GSR: variants seen among roughly 807,000 people sequenced by gnomAD.
The protein encoded by GSR is glutathione-disulfide reductase, also known as glutathione reductase, mitochondrial.
A neutral mutation model predicts 56.5 loss-of-function variants in GSR; 48 were observed. That is an observed-to-expected ratio of 0.85 (90% confidence interval 0.67 to 1.08). The LOEUF (loss-of-function observed/expected upper bound fraction) is 1.08, where lower values mean the gene tolerates loss of function less well. Among genes scored for constraint, GSR ranks in the 50% least tolerant of loss-of-function variants. The pLI is 0.00. For synonymous variants in GSR, 264 were observed against 270.8 expected (o/e 0.97, Z 0.25); for missense variants, 694 against 703.3 (o/e 0.99, Z 0.15).
intron 4 of GSR, among the ~76,000 whole-genome samples, chr8:30,704,198 A>T (rs1803847261): frequency 6.6e-6 from 1 of 152,018 alleles, no homozygotes; most frequent in Non-Finnish European, 1.5e-5. Flanking sequence ...GGTGGCGGGC[A>T]CCTGTAATCC....
intron 7 of GSR, among the ~76,000 whole-genome samples, chr8:30,693,802 T>C (rs1212575352): frequency 6.6e-6 from 1 of 152,206 alleles, no homozygotes; most frequent in Non-Finnish European, 1.5e-5. Flanking sequence ...GTGCTGGGAT[T>C]ATAGGTGTGA....
At chr8:30,711,261 A>G (rs1396643320) in intron 2 of GSR, among the ~76,000 whole-genome samples, 1 of 152,224 alleles carries the variant, frequency 6.6e-6, no homozygotes, top group African/African-American at 2.4e-5. Flanking sequence ...TGAGATTACA[A>G]CATATGTTGA....
rs1223991688 is a variant in GSR, at chr8:30,689,401, T to C, written c.883-82A>G. On this transcript the variant is annotated intron_variant, in intron 8 of 12. Coordinates refer to ENST00000221130, the MANE Select transcript of GSR (RefSeq NM_000637.5). ...GAAGGAAAGCAAATACAGAGGAAAC[T>C]AGAATTTTTAACATTAAAGAAAATC... 4.4e-6 allele frequency: 5 copies of C among 1,142,426 alleles called. No homozygotes were observed. The East Asian group carries it at 7.0e-5, about 16-fold the overall frequency. The allele number at this position is 1,142,426 out of a possible 1,614,324, so 70.8% of individuals were successfully genotyped here. A position where few individuals can be genotyped will look rare whatever the true frequency, so the allele number is the denominator to read the frequency against.
At chr8:30,697,717 G>A (rs189717860) in intron 6 of GSR, among the ~76,000 whole-genome samples, 3 of 152,266 alleles carry the variant, frequency 2.0e-5, no homozygotes. Flanking sequence ...CATTTCTTCA[G>A]AGAGGAAAAA....
At position 30,711,842 on chromosome 8, in the gene GSR, A is replaced by T. The variant is rs958381371; in HGVS notation, c.333+220T>A. Among the ~76,000 whole-genome samples, 10 of 152,070 alleles carry T rather than the reference A, an allele frequency of 6.6e-5. 1 individual carries two copies. The highest frequency in any genetic ancestry group is 6.6e-4 in the Admixed American group (10 of 15,258). ...GAACGAAACTCCGTCTCAAAAAAAC[A>T]ATAATAATAAAAATAAAAAGTAATT... On this transcript the variant is annotated intron_variant, in intron 2 of 12. Coordinates refer to ENST00000221130, the MANE Select transcript of GSR (RefSeq NM_000637.5).
intron 9 of GSR, among the ~76,000 whole-genome samples, chr8:30,685,322 C>T (rs562888730): frequency 6.6e-6 from 1 of 152,150 alleles, no homozygotes; most frequent in South Asian, 2.1e-4. Flanking sequence ...AACTTCTGGC[C>T]TCAAGTGATC....
At position 30,727,413 on chromosome 8, in the gene GSR, G is replaced by A. The variant is rs933736646; in HGVS notation, c.306+117C>T. The A allele has an allele frequency of 1.6e-5, 17 of 1,031,734 alleles. No individual in the cohort carries two copies. In the East Asian group the frequency reaches 5.2e-4, roughly 31 times the overall value. 63.9% of individuals were successfully genotyped at this position (1,031,734 alleles called of 1,614,324 possible). A position where few individuals can be genotyped will look rare whatever the true frequency, so the allele number is the denominator to read the frequency against. ...TTCGGAATGGGGAGTTGCGGGGGTGGAAAAGAGGAAAGCCCAGCGCCGGGG... is the reference window on the plus strand; with the variant it reads ...TTCGGAATGGGGAGTTGCGGGGGTGAAAAAGAGGAAAGCCCAGCGCCGGGG... On this transcript the variant is annotated intron_variant, in intron 1 of 12. Coordinates refer to ENST00000221130, the MANE Select transcript of GSR (RefSeq NM_000637.5).
At chr8:30,721,350 A>C (rs931563289) in intron 1 of GSR, among the ~76,000 whole-genome samples, 5 of 152,292 alleles carry the variant, frequency 3.3e-5, no homozygotes, top group Middle Eastern at 3.4e-3. Flanking sequence ...ACTGGAAGCC[A>C]CTTACAAATG....
At chr8:30,712,830 G>C (rs1184572208) in intron 1 of GSR, among the ~76,000 whole-genome samples, 6 of 152,186 alleles carry the variant, frequency 3.9e-5, no homozygotes. Context: ...ATAAATATTA[G>C]ATCTCATAAA....
Position 30,680,915 on chromosome 8 carries a change from T to C in GSR, c.1408A>G (p.Lys470Glu), listed in dbSNP as rs370217822. Residue 470 changes from lysine to glutamate, a missense_variant, in exon 12 of 13, where the codon AAG (lysine) becomes GAG (glutamate). By Grantham distance (56) the Lys-to-Glu change is moderately conservative. Coordinates refer to ENST00000221130, the MANE Select transcript of GSR (RefSeq NM_000637.5). ...GGATTTTTCCTTACCTTTTCTTCCT[T>C]GTTAGCACAGACCATTTTCATCACA... ...KCVMKMVCANKEEKVVGIHMQ... is the reference protein window; with the variant it reads ...KCVMKMVCANEEEKVVGIHMQ... 5.6e-6 allele frequency: 9 copies of C among 1,613,712 alleles called. No individual in the cohort carries two copies. Among genetic ancestry groups the C allele is most frequent in the Non-Finnish European group, 7.6e-6 (9 of 1,179,910 alleles).
rs1474085625 is a variant in GSR, at chr8:30,727,683, C to G, written c.153G>C (p.Gln51His). 2 of 1,438,516 alleles carry G rather than the reference C, an allele frequency of 1.4e-6. No homozygotes were observed. The highest frequency in any genetic ancestry group is 2.9e-5 in the East Asian group (1 of 34,178). The allele number at this position is 1,438,516 out of a possible 1,614,324, so 89.1% of individuals were successfully genotyped here. A position where few individuals can be genotyped will look rare whatever the true frequency, so the allele number is the denominator to read the frequency against. ...CAGCAGCGGGCGGCGGGCCCTGCGG[C>G]TGCGGCTCCTGCCTGCAGGCCATGG... ...SRAMACRQEP[Q>H]PQGPPPAAGA... The change falls in exon 1 of 13, where the codon CAG becomes CAC. Residue 51 changes from glutamine to histidine, a missense_variant. Transcript: ENST00000221130.
At chr8:30,682,834 A>AC (rs935330629) in intron 10 of GSR, among the ~76,000 whole-genome samples, 4 of 144,828 alleles carry the variant, frequency 2.8e-5, no homozygotes, top group African/African-American at 1.0e-4. Flanking sequence ...TTATATTATT[A>AC]TTTTTTTTTT....
chr8:30,726,733 C>A (rs1804738272), intron 1 of GSR, among the ~76,000 whole-genome samples: 1 of 152,094 alleles, frequency 6.6e-6, no homozygotes, highest in Admixed American at 6.5e-5. Context: ...GCACTCTAGC[C>A]TAGGTGACAG....
intron 4 of GSR, among the ~76,000 whole-genome samples, chr8:30,705,171 A>T (rs1803880537): frequency 6.6e-6 from 1 of 151,936 alleles, no homozygotes. Context: ...TATGCCTATA[A>T]TTCCCATATT....
In GSR at chr8:30,700,722, C is replaced by CAAAAAAAAAAAAAAAAAAAAAA. The variant is rs1563535549; in HGVS notation, c.641-588_641-587insTTTTTTTTTTTTTTTTTTTTTT. 2.4e-4 allele frequency among the ~76,000 whole-genome samples: 2 copies of CAAAAAAAAAAAAAAAAAAAAAA among 8,424 alleles called. 1 individual carries two copies. Among genetic ancestry groups the CAAAAAAAAAAAAAAAAAAAAAA allele is most frequent in the African/African-American group, 3.4e-4 (2 of 5,798 alleles). 5.5% of individuals were successfully genotyped at this position (8,424 alleles called of 152,430 possible). A position where few individuals can be genotyped will look rare whatever the true frequency, so the allele number is the denominator to read the frequency against. On this transcript the variant is annotated intron_variant, in intron 5 of 12. Coordinates refer to ENST00000221130, the MANE Select transcript of GSR (RefSeq NM_000637.5). ...CTGGGAACAGAGCAAGATTTTGTCT[C>CAAAAAAAAAAAAAAAAAAAAAA]CAAAAAAAAAAAAAAAAAAAAAAAA... is the stretch of plus-strand genomic sequence containing the variant.
chr8:30,700,294 T>G (rs1219199735), intron 5 of GSR, among the ~76,000 whole-genome samples, 159 bp from the exon 6 acceptor site: 1 of 151,978 alleles, frequency 6.6e-6, no homozygotes, highest in Non-Finnish European at 1.5e-5. Context: ...GCCAACCAAA[T>G]CCTCCCTGAG....
At chr8:30,722,555 G>A (rs1412213921) in intron 1 of GSR, among the ~76,000 whole-genome samples, 3 of 118,410 alleles carry the variant, frequency 2.5e-5, no homozygotes, top group East Asian at 5.4e-4. Context: ...GCAAGACCTT[G>A]TCTCTACTAA....
At position 30,714,738 on chromosome 8, in the gene GSR, G is replaced by A. The variant is rs147204815; in HGVS notation, c.307-2650C>T. ...AATAGAGACAAGGTCTCAGTATATT[G>A]CCCAGGCTGGTCTTGAACTCCTGAG... On this transcript the variant is annotated intron_variant, in intron 1 of 12. Transcript: ENST00000221130. 7.7e-3 allele frequency among the ~76,000 whole-genome samples: 1,178 copies of A among 152,074 alleles called. 19 individuals are homozygous for A. Among genetic ancestry groups the A allele is most frequent in the African/African-American group, 0.027 (1,104 of 41,462 alleles).
chr8:30,679,437 T>C lies in GSR; in HGVS notation c.*83A>G, dbSNP rs1181386365. 20 of 1,338,082 alleles carry C rather than the reference T, an allele frequency of 1.5e-5. No individual in the cohort carries two copies. The highest frequency in any genetic ancestry group is 2.0e-5 in the Non-Finnish European group (19 of 939,544). The allele number at this position is 1,338,082 out of a possible 1,614,324, so 82.9% of individuals were successfully genotyped here. A position where few individuals can be genotyped will look rare whatever the true frequency, so the allele number is the denominator to read the frequency against. On this transcript the variant is annotated 3_prime_UTR_variant, in exon 13 of 13. Coordinates refer to ENST00000221130, the MANE Select transcript of GSR (RefSeq NM_000637.5). ...ATTAAAATAAAGAAATACATAAAAC[T>C]CAAACAGTAAGTCAATGTGATTATT...
Sources: allele counts gnomAD v4.1 joint callset (sites outside exome capture counted in the v4.1 genomes callset), GRCh38; gene constraint gnomAD v4.1.1; transcripts MANE v1.5; gene names NCBI Gene and HGNC (gene_info 2026-07-23, HGNC 2026-07-21).